CAB39L: variants seen among roughly 807,000 people sequenced by gnomAD.
CAB39L encodes the protein calcium binding protein 39 like, also known as calcium-binding protein 39-like.
In CAB39L, 23 loss-of-function variants were observed where a neutral mutation model predicts 39.1. The ratio of observed to expected loss-of-function variants is 0.59; its 90% CI spans 0.42 to 0.83. The LOEUF (loss-of-function observed/expected upper bound fraction) is 0.83, where lower values mean the gene tolerates loss of function less well. CAB39L is among the 40% of genes least tolerant of loss of function. CAB39L has a pLI of 0.00. For missense variants in CAB39L, 366 were observed against 391.9 expected, an observed-to-expected ratio of 0.93 and a Z score of 0.56; for synonymous variants, 126 against 137.2, an observed-to-expected ratio of 0.92 and a Z score of 0.57.
chr13:49,355,753 G>A (rs1350962897), intron 6 of CAB39L, among the ~76,000 whole-genome samples: 1 of 151,380 alleles, frequency 6.6e-6, no homozygotes, highest in Non-Finnish European at 1.5e-5. Flanking sequence ...GTGTGTCTCT[G>A]TACATATATA....
intron 3 of CAB39L, among the ~76,000 whole-genome samples, chr13:49,406,558 C>T (rs1301078071): frequency 6.6e-6 from 1 of 151,800 alleles, no homozygotes; most frequent in East Asian, 1.9e-4. Flanking sequence ...GATTATTACA[C>T]ATTGCATGCC....
At chr13:49,441,221 G>GTGTATA (rs1024957572) in intron 1 of CAB39L, among the ~76,000 whole-genome samples, 2 of 121,444 alleles carry the variant, frequency 1.6e-5, no homozygotes, top group Admixed American at 8.8e-5. Flanking sequence ...ATGATTTAGT[G>GTGTATA]TATATATATA....
At chr13:49,370,475 C>A (rs1955891715) in intron 5 of CAB39L, among the ~76,000 whole-genome samples, 1 of 152,162 alleles carries the variant, frequency 6.6e-6, no homozygotes, top group South Asian at 2.1e-4. Context: ...GGGGTTCTGT[C>A]TCAGTTCTAG....
chr13:49,314,939 CA>C (rs1954112164), intron 10 of CAB39L, among the ~76,000 whole-genome samples: 1 of 152,130 alleles, frequency 6.6e-6, no homozygotes, highest in Non-Finnish European at 1.5e-5. Context: ...TACATTGTTG[CA>C]AAATTGCTTT....
At chr13:49,383,673 T>C (rs1235875346) in intron 3 of CAB39L, among the ~76,000 whole-genome samples, 2 of 152,212 alleles carry the variant, frequency 1.3e-5, no homozygotes, top group Admixed American at 6.5e-5. Context: ...ATAAAAGTTA[T>C]ATTTACGCTA....
At chr13:49,386,103 G>A (rs1956353039) in intron 3 of CAB39L, among the ~76,000 whole-genome samples, 1 of 152,014 alleles carries the variant, frequency 6.6e-6, no homozygotes, top group South Asian at 2.1e-4. Flanking sequence ...TAGCACTAAG[G>A]GAAAGATATA....
intron 10 of CAB39L, among the ~76,000 whole-genome samples, chr13:49,329,897 CA>C (rs1188795774): frequency 6.6e-6 from 1 of 152,062 alleles, no homozygotes; most frequent in Non-Finnish European, 1.5e-5. Flanking sequence ...CTCCACGACC[CA>C]CCCCTTTCTC....
rs372499585 is a variant in CAB39L, at chr13:49,309,065, C to T, written c.*1749G>A. On this transcript the variant is annotated 3_prime_UTR_variant, in exon 11 of 11. Coordinates refer to ENST00000409308, the MANE Select transcript of CAB39L (RefSeq NM_001079670.3). Reference sequence around the variant, plus strand: ...GGTTATTTCACCTTCATTTTTTATACTTACACTCATCTCTTTTAATTAAAT... The same window carrying T: ...GGTTATTTCACCTTCATTTTTTATATTTACACTCATCTCTTTTAATTAAAT... The T allele has an allele frequency of 6.6e-5, 10 of 152,200 alleles. No individual in the cohort carries two copies. Among genetic ancestry groups the T allele is most frequent in the Middle Eastern group, 3.2e-3 (1 of 316 alleles). 9.4% of individuals were successfully genotyped at this position (152,200 alleles called of 1,614,324 possible).
intron 3 of CAB39L, among the ~76,000 whole-genome samples, chr13:49,408,012 G>A (rs533905635): frequency 8.5e-5 from 13 of 152,186 alleles, no homozygotes; most frequent in African/African-American, 2.9e-4. Context: ...AATAATTTGC[G>A]GACAAAACAG....
At chr13:49,439,113 C>T (rs971099704) in intron 1 of CAB39L, among the ~76,000 whole-genome samples, 20 of 152,048 alleles carry the variant, frequency 1.3e-4, no homozygotes, top group African/African-American at 4.8e-4. Context: ...TTTTTCTTAT[C>T]GTACTTTCTG....
intron 2 of CAB39L, among the ~76,000 whole-genome samples, chr13:49,433,709 A>G (rs979264705): frequency 5.9e-5 from 9 of 152,328 alleles, no homozygotes; most frequent in Non-Finnish European, 1.2e-4. Flanking sequence ...CAAAAGGAAG[A>G]AACACAATTT....
chr13:49,374,773 G>A (rs946583146), intron 5 of CAB39L, among the ~76,000 whole-genome samples: 1 of 152,168 alleles, frequency 6.6e-6, no homozygotes, highest in Non-Finnish European at 1.5e-5. Context: ...TGAACCTGAC[G>A]ACATCTCATC....
In CAB39L at chr13:49,406,886, A is replaced by G. The variant is rs17402718; in HGVS notation, c.-31-23945T>C. Among the ~76,000 whole-genome samples, 1,076 of 152,312 alleles carry G rather than the reference A, an allele frequency of 7.1e-3. 13 individuals are homozygous for G. The highest frequency in any genetic ancestry group is 0.024 in the African/African-American group (979 of 41,570). ...TACCAAAATTACTAAAAATAAAATC[A>G]CTGAATGAAGTTTAAAGAATTCTTT... On this transcript the variant is annotated intron_variant, in intron 3 of 10. Transcript: ENST00000409308.
At chr13:49,419,086 T>C (rs1054697042) in intron 3 of CAB39L, among the ~76,000 whole-genome samples, 1 of 152,058 alleles carries the variant, frequency 6.6e-6, no homozygotes, top group Non-Finnish European at 1.5e-5. Context: ...TCTTGCCTCA[T>C]CTTCCTGAGT....
chr13:49,368,668 A>C (rs1955833620), intron 5 of CAB39L, among the ~76,000 whole-genome samples: 1 of 152,230 alleles, frequency 6.6e-6, no homozygotes, highest in African/African-American at 2.4e-5. Flanking sequence ...TAAGATCCCA[A>C]ACCTGAAGAA....
chr13:49,313,777 C>A (rs1282981518), intron 10 of CAB39L, among the ~76,000 whole-genome samples: 1 of 152,164 alleles, frequency 6.6e-6, no homozygotes, highest in Non-Finnish European at 1.5e-5. Flanking sequence ...GCCTGGCACC[C>A]CCTCTGCCCA....
At chr13:49,377,383 T>C (rs369688756) in intron 4 of CAB39L, among the ~76,000 whole-genome samples, 1,380 of 78,892 alleles carry the variant, frequency 0.017, 452 homozygotes, top group Non-Finnish European at 0.025. Context: ...CAAGAAACTT[T>C]TTCGGCTCTC....
chr13:49,344,781 C>T (rs1207352242), intron 7 of CAB39L, among the ~76,000 whole-genome samples: 1 of 152,130 alleles, frequency 6.6e-6, no homozygotes, highest in East Asian at 1.9e-4. Flanking sequence ...CTCGGCCTCC[C>T]AAAGTGCCTT....
chr13:49,347,677 T>C (rs1393774496), intron 7 of CAB39L, among the ~76,000 whole-genome samples: 2 of 152,148 alleles, frequency 1.3e-5, no homozygotes, highest in Non-Finnish European at 2.9e-5. Flanking sequence ...GAGGCCTATC[T>C]CACCACTAGC....
Sources: allele counts gnomAD v4.1 joint callset (sites outside exome capture counted in the v4.1 genomes callset), GRCh38; gene constraint gnomAD v4.1.1; transcripts MANE v1.5; gene names NCBI Gene and HGNC (gene_info 2026-07-23, HGNC 2026-07-21).